Variants in PPARG observed in about 807,000 individuals in gnomAD.
The protein encoded by PPARG is peroxisome proliferator-activated receptor gamma.
A neutral mutation model predicts 39.2 loss-of-function variants in PPARG; 17 were observed. The observed-to-expected ratio is 0.43, with a 90% CI of 0.30 to 0.65. PPARG has a LOEUF of 0.65. Among genes scored for constraint, PPARG ranks in the 30% least tolerant of loss-of-function variants. The pLI, the probability that PPARG is intolerant of heterozygous loss-of-function variation, is 0.13. For synonymous variants in PPARG, 223 were observed against 215.7 expected, an observed-to-expected ratio of 1.03 and a Z score of -0.30; for missense variants, 406 against 585.9, an observed-to-expected ratio of 0.69 and a Z score of 3.17.
chr3:12,296,246 C>T (rs1365633611), intron 1 of PPARG, among the ~76,000 whole-genome samples: 1 of 98,890 alleles, frequency 1.0e-5, no homozygotes, highest in African/African-American at 3.9e-5. Context: ...CAGAGCAACA[C>T]TTTGTCTCAA....
chr3:12,398,581 A>G (rs1048310914), intron 5 of PPARG, among the ~76,000 whole-genome samples: 1 of 152,230 alleles, frequency 6.6e-6, no homozygotes, highest in African/African-American at 2.4e-5. Flanking sequence ...TGTAGGTTAG[A>G]GAGGTCACAC....
chr3:12,371,276 C>T (rs377086010), intron 2 of PPARG, among the ~76,000 whole-genome samples: 43 of 152,186 alleles, frequency 2.8e-4, no homozygotes, highest in African/African-American at 9.4e-4. Flanking sequence ...ATTGGAACCT[C>T]GGGCATCTGA....
intron 1 of PPARG, among the ~76,000 whole-genome samples, chr3:12,290,162 G>A (rs1223508677): frequency 3.3e-5 from 5 of 151,966 alleles, no homozygotes; most frequent in African/African-American, 1.2e-4. Context: ...TCACTTGAAG[G>A]AAAAGAGAAA....
At chr3:12,416,181 C>A (rs1168538382) in intron 6 of PPARG, among the ~76,000 whole-genome samples, 1 of 152,194 alleles carries the variant, frequency 6.6e-6, no homozygotes, top group Non-Finnish European at 1.5e-5. Flanking sequence ...GAGTTCAAGA[C>A]CAGCCTGGCC....
chr3:12,409,777 G>C (rs976750181), intron 6 of PPARG, among the ~76,000 whole-genome samples: 1 of 152,166 alleles, frequency 6.6e-6, no homozygotes, highest in African/African-American at 2.4e-5. Flanking sequence ...CTTGATTGAA[G>C]AGGCCATTCT....
At chr3:12,322,024 G>T (rs192844799) in intron 2 of PPARG, among the ~76,000 whole-genome samples, 1 of 152,150 alleles carries the variant, frequency 6.6e-6, no homozygotes, top group Admixed American at 6.5e-5. Flanking sequence ...ATCAACATGC[G>T]ATGCAAAGCA....
At chr3:12,316,257 A>G (rs979102395) in intron 2 of PPARG, among the ~76,000 whole-genome samples, 1 of 152,166 alleles carries the variant, frequency 6.6e-6, no homozygotes, top group Non-Finnish European at 1.5e-5. Context: ...ATGAAATGTG[A>G]AGTATTTGGA....
intron 2 of PPARG, among the ~76,000 whole-genome samples, chr3:12,326,956 T>A (rs889201884): frequency 6.6e-6 from 1 of 152,206 alleles, no homozygotes; most frequent in Non-Finnish European, 1.5e-5. Context: ...AATGTGAACT[T>A]GAAATAAGAT....
intron 7 of PPARG, among the ~76,000 whole-genome samples, chr3:12,425,486 T>C (rs967609600): frequency 2.6e-5 from 4 of 152,124 alleles, no homozygotes; most frequent in Admixed American, 2.6e-4. Context: ...GGTATTCCCT[T>C]ATCTCTTCCT....
chr3:12,423,045 T>C (rs564595442), intron 7 of PPARG, among the ~76,000 whole-genome samples: 2 of 152,260 alleles, frequency 1.3e-5, no homozygotes, highest in African/African-American at 4.8e-5. Context: ...GGCCTGGTGA[T>C]AGAGCTAAAG....
intron 1 of PPARG, among the ~76,000 whole-genome samples, chr3:12,290,917 A>G (rs544842913): frequency 1.9e-4 from 29 of 152,294 alleles, no homozygotes; most frequent in Middle Eastern, 3.4e-3. Flanking sequence ...TGTTTCACAC[A>G]TTCTGGCCCA....
At chr3:12,345,153 G>A (rs1335023533) in intron 2 of PPARG, among the ~76,000 whole-genome samples, 1 of 152,060 alleles carries the variant, frequency 6.6e-6, no homozygotes, top group Non-Finnish European at 1.5e-5. Context: ...TTTCTTAAGA[G>A]CAAGGAACTT....
intron 7 of PPARG, among the ~76,000 whole-genome samples, chr3:12,422,608 A>G (rs2051302337): frequency 6.6e-6 from 1 of 152,224 alleles, no homozygotes; most frequent in Admixed American, 6.6e-5. Flanking sequence ...GGCCAGGCAC[A>G]GTGGCTTATA....
chr3:12,397,657 A>G (rs2050317000), intron 5 of PPARG, among the ~76,000 whole-genome samples: 1 of 151,646 alleles, frequency 6.6e-6, no homozygotes, highest in African/African-American at 2.4e-5. Flanking sequence ...TGATCTGCCC[A>G]CCTCAGCCTC....
chr3:12,295,961 A>G (rs964429872), intron 1 of PPARG, among the ~76,000 whole-genome samples: 4 of 152,122 alleles, frequency 2.6e-5, no homozygotes, highest in Admixed American at 6.5e-5. Flanking sequence ...TGTTTTAGAA[A>G]GAAGAAAGAG....
intron 2 of PPARG, among the ~76,000 whole-genome samples, chr3:12,360,735 C>T (rs1016885235): frequency 5.3e-5 from 8 of 152,170 alleles, no homozygotes; most frequent in East Asian, 1.9e-4. Flanking sequence ...AGCATTTATT[C>T]GTGAGATTAA....
intron 2 of PPARG, among the ~76,000 whole-genome samples, chr3:12,355,627 G>T (rs2048637770): frequency 6.6e-6 from 1 of 151,962 alleles, no homozygotes; most frequent in South Asian, 2.1e-4. Flanking sequence ...GAAAATCACT[G>T]TTTTTCTGAA....
chr3:12,329,987 G>A (rs1423770711), intron 2 of PPARG, among the ~76,000 whole-genome samples: 3 of 152,150 alleles, frequency 2.0e-5, no homozygotes, highest in Non-Finnish European at 4.4e-5. Context: ...TTTTATGGCT[G>A]AGTAATATTC....
chr3:12,394,366 C>T (rs190263341), intron 5 of PPARG, among the ~76,000 whole-genome samples: 16 of 152,244 alleles, frequency 1.1e-4, no homozygotes, highest in Non-Finnish European at 1.9e-4. Flanking sequence ...GCATTGCATA[C>T]GTTTACTTAA....
Sources: allele counts gnomAD v4.1 joint callset (sites outside exome capture counted in the v4.1 genomes callset), GRCh38; gene constraint gnomAD v4.1.1; transcripts MANE v1.5; gene names NCBI Gene and HGNC (gene_info 2026-07-23, HGNC 2026-07-21).